Variants in CHODL observed in about 807,000 individuals in gnomAD.
The protein encoded by CHODL is chondrolectin.
In CHODL, 29 loss-of-function variants were observed where a neutral mutation model predicts 34.5. The ratio of observed to expected loss-of-function variants is 0.84; its 90% CI spans 0.63 to 1.15. The LOEUF (loss-of-function observed/expected upper bound fraction) is 1.15. Ranked by LOEUF, CHODL falls within the 50% of genes most tolerant of loss-of-function variation. CHODL has a pLI of 0.00. For synonymous variants in CHODL, 125 were observed against 116.1 expected (o/e 1.08, Z -0.49); for missense variants, 332 against 332.5 (o/e 1.00, Z 0.01).
intron 2 of CHODL, among the ~76,000 whole-genome samples, chr21:18,228,584 G>T (rs1390091581): frequency 6.6e-6 from 1 of 152,094 alleles, no homozygotes; most frequent in Non-Finnish European, 1.5e-5. Flanking sequence ...GTATAATTTG[G>T]CATGGAAAGA....
At chr21:18,083,005 G>A (rs1396911905) in intron 2 of CHODL, among the ~76,000 whole-genome samples, 1 of 152,098 alleles carries the variant, frequency 6.6e-6, no homozygotes, top group Non-Finnish European at 1.5e-5. Context: ...AATGTTAATT[G>A]CCAAGACAAT....
At chr21:18,021,625 A>G (rs1462099869) in intron 1 of CHODL, among the ~76,000 whole-genome samples, 1 of 152,220 alleles carries the variant, frequency 6.6e-6, no homozygotes, top group Non-Finnish European at 1.5e-5. Context: ...TATATATTTT[A>G]TATAGCTTAG....
At chr21:18,094,432 G>A (rs2065113148) in intron 2 of CHODL, among the ~76,000 whole-genome samples, 1 of 152,122 alleles carries the variant, frequency 6.6e-6, no homozygotes, top group Admixed American at 6.6e-5. Flanking sequence ...TCAGCACGTA[G>A]ATTATTCTCA....
intron 1 of CHODL, among the ~76,000 whole-genome samples, chr21:17,938,728 T>C (rs2063339779): frequency 1.3e-5 from 2 of 152,078 alleles, no homozygotes; most frequent in South Asian, 4.1e-4. Flanking sequence ...TCTACCTGCC[T>C]GTGCCTCCCA....
At chr21:18,144,020 G>A (rs1601063533) in intron 2 of CHODL, among the ~76,000 whole-genome samples, 1 of 151,954 alleles carries the variant, frequency 6.6e-6, no homozygotes, top group South Asian at 2.1e-4. Context: ...TGCAACATTG[G>A]TCTAGTAATT....
At chr21:18,089,279 T>G (rs2065043565) in intron 2 of CHODL, among the ~76,000 whole-genome samples, 1 of 152,166 alleles carries the variant, frequency 6.6e-6, no homozygotes, top group Admixed American at 6.5e-5. Context: ...TCTCTTATCT[T>G]TCTTTTATTT....
intron 2 of CHODL, among the ~76,000 whole-genome samples, chr21:18,208,551 G>A (rs1005506900): frequency 1.3e-5 from 2 of 152,028 alleles, no homozygotes; most frequent in African/African-American, 2.4e-5. Context: ...GTGAATGTTT[G>A]TCGGTGTCTT....
At chr21:18,043,482 C>T (rs1392897036) in intron 2 of CHODL, among the ~76,000 whole-genome samples, 1 of 151,806 alleles carries the variant, frequency 6.6e-6, no homozygotes, top group Non-Finnish European at 1.5e-5. Context: ...TCCAGTAGAC[C>T]CAGGATGTGT....
chr21:18,106,577 G>T (rs994337952), intron 2 of CHODL, among the ~76,000 whole-genome samples: 7 of 149,330 alleles, frequency 4.7e-5, no homozygotes, highest in East Asian at 2.0e-4. Context: ...CTCACTGCAA[G>T]CTCCGCCTCC....
chr21:18,195,032 T>G (rs1427338553), intron 2 of CHODL, among the ~76,000 whole-genome samples: 1 of 43,044 alleles, frequency 2.3e-5, no homozygotes, highest in Admixed American at 2.5e-4. Context: ...CAATACATTA[T>G]TTATTTATTT....
chr21:17,974,850 G>C (rs2063647887), intron 1 of CHODL, among the ~76,000 whole-genome samples: 1 of 150,628 alleles, frequency 6.6e-6, no homozygotes, highest in Non-Finnish European at 1.5e-5. Context: ...TATGTCAGGA[G>C]AATAGAGATT....
intron 2 of CHODL, among the ~76,000 whole-genome samples, chr21:18,151,735 C>T (rs1355330603): frequency 6.6e-6 from 1 of 152,116 alleles, no homozygotes; most frequent in Non-Finnish European, 1.5e-5. Context: ...AATTGGAGGA[C>T]ACCCAGCTGG....
intron 1 of CHODL, among the ~76,000 whole-genome samples, chr21:18,011,956 A>G (rs778456873): frequency 6.6e-6 from 1 of 152,216 alleles, no homozygotes; most frequent in Non-Finnish European, 1.5e-5. Context: ...TTCATTCAAC[A>G]AATACTGAGT....
chr21:18,120,749 A>G lies in CHODL; in HGVS notation c.-45+92778A>G, dbSNP rs116869810. 3.0e-3 allele frequency among the ~76,000 whole-genome samples: 429 copies of G among 142,230 alleles called. 18 individuals carry two copies. In the East Asian group the frequency reaches 0.077, roughly 25 times the overall value. 93.3% of individuals were successfully genotyped at this position (142,230 alleles called of 152,430 possible). A position where few individuals can be genotyped will look rare whatever the true frequency, so the allele number is the denominator to read the frequency against. On this transcript the variant is annotated intron_variant, in intron 2 of 6. Coordinates refer to the CHODL transcript ENST00000400127. Reference sequence around the variant, plus strand: ...TTGGTATGATACTTATTTGCAAAATACCTCTGTGAATATCCTGATAATGGA... The same window carrying G: ...TTGGTATGATACTTATTTGCAAAATGCCTCTGTGAATATCCTGATAATGGA...
chr21:18,050,525 A>G (rs371053902), intron 2 of CHODL, among the ~76,000 whole-genome samples: 54 of 152,100 alleles, frequency 3.6e-4, no homozygotes, highest in African/African-American at 1.3e-3. Flanking sequence ...TGGTAGCAGT[A>G]CAGATGAGTG....
At chr21:18,064,767 G>A (rs154744) in intron 2 of CHODL, among the ~76,000 whole-genome samples, 130,648 of 152,096 alleles carry the variant, frequency 0.86, 56,294 homozygotes, top group East Asian at 1. Context: ...ACACATGCGC[G>A]CACACACACG....
At chr21:18,042,616 A>G (rs1053255799) in intron 2 of CHODL, among the ~76,000 whole-genome samples, 2 of 151,932 alleles carry the variant, frequency 1.3e-5, no homozygotes, top group East Asian at 1.9e-4. Flanking sequence ...CCTTTATTCT[A>G]TATATCCAGT....
At chr21:18,069,732 T>G (rs1360799319) in intron 2 of CHODL, among the ~76,000 whole-genome samples, 2 of 152,110 alleles carry the variant, frequency 1.3e-5, no homozygotes, top group Admixed American at 1.3e-4. Context: ...ACTACTAAAA[T>G]TTACAACTAC....
chr21:18,063,827 G>A (rs1047923833), intron 2 of CHODL, among the ~76,000 whole-genome samples: 1 of 151,934 alleles, frequency 6.6e-6, no homozygotes, highest in Non-Finnish European at 1.5e-5. Context: ...AAACTTAGCT[G>A]GTATCTACCT....
Sources: gnomAD v4.1 joint callset for allele counts (sites outside exome capture counted in the v4.1 genomes callset) on GRCh38, gnomAD v4.1.1 for gene constraint, MANE v1.5 for transcripts, NCBI Gene and HGNC (gene_info 2026-07-23, HGNC 2026-07-21) for gene names.